The following PXDNL variants were observed in gnomAD, a reference collection of about 807,000 sequenced individuals.
PXDNL encodes peroxidasin like, also known as probable oxidoreductase PXDNL.
In PXDNL, 145 loss-of-function variants were observed where a neutral mutation model predicts 150.8. The observed-to-expected ratio is 0.96, with a 90% CI of 0.84 to 1.10. The LOEUF is 1.10. Among genes scored for constraint, PXDNL ranks in the 50% least tolerant of loss-of-function variants. The pLI is 0.00. For synonymous variants in PXDNL, 757 were observed against 725.7 expected, an observed-to-expected ratio of 1.04 and a Z score of -0.69; for missense variants, 2,087 against 1,873.9, an observed-to-expected ratio of 1.11 and a Z score of -2.10.
intron 1 of PXDNL, among the ~76,000 whole-genome samples, chr8:51,797,860 T>G (rs1451845574): frequency 6.6e-6 from 1 of 152,090 alleles, no homozygotes; most frequent in Non-Finnish European, 1.5e-5. Context: ...AAAGAGCCTG[T>G]ATAGCCAAGA....
chr8:51,720,674 G>A (rs1248682131), intron 1 of PXDNL, among the ~76,000 whole-genome samples: 1 of 152,170 alleles, frequency 6.6e-6, no homozygotes, highest in Non-Finnish European at 1.5e-5. Flanking sequence ...ATAAACTCTT[G>A]AAAATTAGAT....
At chr8:51,546,966 G>A (rs750483999) in intron 4 of PXDNL, among the ~76,000 whole-genome samples, 7 of 152,186 alleles carry the variant, frequency 4.6e-5, no homozygotes, top group South Asian at 4.2e-4. Flanking sequence ...AGAACCACCC[G>A]CTCAATCCCT....
intron 4 of PXDNL, among the ~76,000 whole-genome samples, chr8:51,550,352 A>G (rs1315163946): frequency 6.6e-6 from 1 of 152,092 alleles, no homozygotes; most frequent in Non-Finnish European, 1.5e-5. Flanking sequence ...CACTACCATA[A>G]TACCAAAACG....
rs1554554576 is a variant in PXDNL, at chr8:51,577,995, GAA to G, written c.308+14630_308+14631del. ...AGAAAGAAAGAAAGAAAGAAAGAAA[GAA>G]AGAGGAAGGAAGGAAGGAAGGAAGG... On this transcript the variant is annotated intron_variant, in intron 3 of 22. Transcript: ENST00000356297. Among the ~76,000 whole-genome samples, 351 of 47,642 alleles carry G rather than the reference GAA, an allele frequency of 7.4e-3. 2 individuals are homozygous for G. The highest frequency in any genetic ancestry group is 0.013 in the African/African-American group (151 of 11,768). 31.3% of individuals were successfully genotyped at this position (47,642 alleles called of 152,430 possible). A position where few individuals can be genotyped will look rare whatever the true frequency, so the allele number is the denominator to read the frequency against.
chr8:51,486,040 C>T (rs138384493), intron 5 of PXDNL, among the ~76,000 whole-genome samples: 1 of 152,092 alleles, frequency 6.6e-6, no homozygotes, highest in Non-Finnish European at 1.5e-5. Flanking sequence ...TGAAAGCTTT[C>T]TTCATTATTT....
In PXDNL at chr8:51,809,373, A is replaced by C. The variant is rs148580876; in HGVS notation, c.-29T>G. The C allele has an allele frequency of 1.8e-3, 2,794 of 1,512,184 alleles. 4 individuals are homozygous for C. Among genetic ancestry groups the C allele is most frequent in the East Asian group, 3.0e-3 (121 of 39,784 alleles). 93.7% of individuals were successfully genotyped at this position (1,512,184 alleles called of 1,614,324 possible). The stretch of plus-strand genomic sequence containing the variant: ...TCCATTCGCTGCTGGCCACGCGAAG[A>C]AGCAGCCGGAGGGAGAGCAGCAGCT... On this transcript the variant is annotated 5_prime_UTR_variant, in exon 1 of 23. Coordinates refer to ENST00000356297, the MANE Select transcript of PXDNL (RefSeq NM_144651.5).
chr8:51,721,645 T>TAA, intron 1 of PXDNL: 33 of 356,534 alleles, frequency 9.3e-5, no homozygotes, highest in South Asian at 2.1e-4. Context: ...ATAATAAAAT[T>TAA]AAAAAAAAAA....
chr8:51,681,713 T>C (rs186378049), intron 1 of PXDNL, among the ~76,000 whole-genome samples: 1 of 152,236 alleles, frequency 6.6e-6, no homozygotes, highest in Non-Finnish European at 1.5e-5. Context: ...TTCAAAATAA[T>C]CCAACTTGTA....
intron 14 of PXDNL, among the ~76,000 whole-genome samples, chr8:51,418,282 T>C (rs1231557859): frequency 6.6e-6 from 1 of 152,184 alleles, no homozygotes; most frequent in Non-Finnish European, 1.5e-5. Context: ...CTTGGCAAGA[T>C]AGCAAAGATT....
intron 12 of PXDNL, among the ~76,000 whole-genome samples, chr8:51,429,772 A>T (rs1202642461): frequency 6.7e-6 from 1 of 149,012 alleles, no homozygotes; most frequent in East Asian, 2.0e-4. Context: ...AGCTTTCATC[A>T]TATCTTTCTT....
At chr8:51,637,082 G>A (rs1018910627) in intron 2 of PXDNL, among the ~76,000 whole-genome samples, 1 of 152,088 alleles carries the variant, frequency 6.6e-6, no homozygotes, top group Admixed American at 6.5e-5. Flanking sequence ...AGGCAAACAG[G>A]GTCTGGAGTG....
intron 2 of PXDNL, among the ~76,000 whole-genome samples, chr8:51,601,554 T>A (rs1041068612): frequency 6.6e-6 from 1 of 152,064 alleles, no homozygotes; most frequent in Non-Finnish European, 1.5e-5. Context: ...CTGCTTTTTT[T>A]TCCATTTGCA....
At chr8:51,804,107 T>A (rs904900792) in intron 1 of PXDNL, among the ~76,000 whole-genome samples, 2 of 152,208 alleles carry the variant, frequency 1.3e-5, no homozygotes, top group African/African-American at 2.4e-5. Context: ...TAGGGAGACA[T>A]GAGACATCAA....
intron 1 of PXDNL, among the ~76,000 whole-genome samples, chr8:51,795,678 C>G (rs2037552951): frequency 6.6e-6 from 1 of 152,130 alleles, no homozygotes; most frequent in South Asian, 2.1e-4. Context: ...GCACTAAATG[C>G]CCAAAAAGCT....
At chr8:51,554,316 C>T (rs1470937888) in intron 4 of PXDNL, among the ~76,000 whole-genome samples, 1 of 152,068 alleles carries the variant, frequency 6.6e-6, no homozygotes, top group Non-Finnish European at 1.5e-5. Flanking sequence ...TGCTGAGCTG[C>T]TCTCTTGAGG....
chr8:51,608,033 GAAAGAAAGAAAGA>G (rs1813889539), intron 2 of PXDNL, among the ~76,000 whole-genome samples: 1 of 118,798 alleles, frequency 8.4e-6, no homozygotes, highest in African/African-American at 3.3e-5. Flanking sequence ...AAGAAAGAAA[GAAAGAAAGAAAGA>G]AAGAAAGAAA....
At chr8:51,550,362 G>A (rs1448572197) in intron 4 of PXDNL, among the ~76,000 whole-genome samples, 1 of 151,862 alleles carries the variant, frequency 6.6e-6, no homozygotes, top group Non-Finnish European at 1.5e-5. Flanking sequence ...ATACCAAAAC[G>A]AGGAGATGAT....
At chr8:51,646,290 C>A (rs930676761) in intron 2 of PXDNL, among the ~76,000 whole-genome samples, 1 of 152,112 alleles carries the variant, frequency 6.6e-6, no homozygotes, top group Non-Finnish European at 1.5e-5. Context: ...AGGAGAGAAG[C>A]CTCGGGAGAA....
intron 19 of PXDNL, 99 bp downstream of exon 19, chr8:51,371,774 G>C: frequency 9.1e-7 from 1 of 1,093,680 alleles, no homozygotes; most frequent in East Asian, 2.6e-5. Context: ...GGCTTTTTGC[G>C]TATCTTTCTT....
Sources: allele counts gnomAD v4.1 joint callset (sites outside exome capture counted in the v4.1 genomes callset), GRCh38; gene constraint gnomAD v4.1.1; transcripts MANE v1.5; gene names NCBI Gene and HGNC (gene_info 2026-07-23, HGNC 2026-07-21).